MX1: variants seen among roughly 807,000 people sequenced by gnomAD.
MX1 encodes MX dynamin like GTPase 1.
Under a neutral mutation model 66.4 loss-of-function variants are expected in MX1, and 66 were observed. The observed-to-expected ratio is 0.99, with a 90% confidence interval of 0.82 to 1.22. MX1 has a LOEUF of 1.22. Ranked by LOEUF, MX1 falls within the 50% of genes most tolerant of loss-of-function variation. MX1 has a pLI of 0.00. For synonymous variants in MX1, 311 were observed against 318.1 expected (o/e 0.98, Z 0.24); for missense variants, 787 against 834.3 (o/e 0.94, Z 0.70).
exon 1 of MX1, chr21:41,420,690 C>G (rs2089983575): frequency 6.6e-6 from 1 of 152,358 alleles, no homozygotes; most frequent in Non-Finnish European, 1.5e-5. Context: ...TCCGATTCCC[C>G]ATTCATTCCA....
Position 41,435,821 on chromosome 21 carries a change from T to G in MX1, c.106-16T>G. On this transcript the variant is annotated splice_polypyrimidine_tract_variant and intron_variant, in intron 5 of 16. Transcript: ENST00000398598. Reference sequence around the variant, plus strand: ...TTTGCAGGCCATGAAGAATTCTCCATTTTTGTTTCCTCCAGGTGGCTGAGA... The same window carrying G: ...TTTGCAGGCCATGAAGAATTCTCCAGTTTTGTTTCCTCCAGGTGGCTGAGA... 6.3e-7 allele frequency: 1 copy of G among 1,595,062 alleles called. No individual in the cohort carries two copies. The highest frequency in any genetic ancestry group is 1.7e-5 in the Admixed American group (1 of 58,940).
At chr21:41,456,814 T>C (rs1012672747) in intron 16 of MX1, among the ~76,000 whole-genome samples, 2 of 151,982 alleles carry the variant, frequency 1.3e-5, no homozygotes, top group Non-Finnish European at 2.9e-5. Context: ...CAGGCTGGAG[T>C]GCAGTGGCGC....
chr21:41,458,974 A>G lies in MX1; in HGVS notation c.*216A>G, dbSNP rs60687893. ...CCTCAGATGCACATGAGCTGGCGGG[A>G]TTGAAGGATGCTGTCTTCGTACTGG... On this transcript the variant is annotated 3_prime_UTR_variant, in exon 17 of 17. Coordinates refer to ENST00000398598, the MANE Select transcript of MX1 (RefSeq NM_002462.5). 0.17 allele frequency: 133,332 copies of G among 790,362 alleles called. 12,600 individuals are homozygous for G. The highest frequency in any genetic ancestry group is 0.27 in the East Asian group (9,778 of 36,418). The allele number at this position is 790,362 out of a possible 1,614,324, so 49.0% of individuals were successfully genotyped here.
At chr21:41,439,898 A>AGGGGGGG in intron 8 of MX1, 50 bp downstream of exon 8, 6 of 680,416 alleles carry the variant, frequency 8.8e-6, no homozygotes, top group South Asian at 1.7e-5. Context: ...GGGATGGGGG[A>AGGGGGGG]GTGGAGGGGT....
rs771899975 is a variant in MX1 at position 41,458,629 on chromosome 21, G to A, written c.1860G>A (p.Leu620=). 4.3e-6 allele frequency: 7 copies of A among 1,614,134 alleles called. No individual in the cohort carries two copies. Among genetic ancestry groups the A allele is most frequent in the Admixed American group, 3.3e-5 (2 of 60,014 alleles). ...TTCAGAAGGCCATGCTGCAGCTCCT[G>A]CAGGACAAGGACACCTACAGCTGGC... is the stretch of plus-strand genomic sequence containing the variant. The part of the protein sequence containing the change: ...QQLQKAMLQL[L]QDKDTYSWLL... Residue 620 remains leucine, a synonymous_variant, in exon 17 of 17, where the codon CTG becomes CTA. Coordinates refer to ENST00000398598, the MANE Select transcript of MX1 (RefSeq NM_002462.5).
chr21:41,445,627 A>T, intron 12 of MX1, 57 bp downstream of exon 12: 2 of 1,607,258 alleles, frequency 1.2e-6, no homozygotes, highest in Non-Finnish European at 1.7e-6. Flanking sequence ...CAAAAAAGGG[A>T]CCCTGGGCCT....
intron 8 of MX1, 149 bp downstream of exon 8, chr21:41,439,997 T>C: frequency 1.2e-6 from 1 of 810,754 alleles, no homozygotes; most frequent in Admixed American, 3.0e-5. Flanking sequence ...GTGGGGAATT[T>C]AGAGAGCCCG....
chr21:41,443,629 A>C (rs1032709048), intron 10 of MX1, 159 bp from the exon 11 acceptor site: 1 of 687,400 alleles, frequency 1.5e-6, no homozygotes, highest in South Asian at 1.7e-5. Flanking sequence ...TCATAATCCT[A>C]TTCAATCCAG....
chr21:41,449,424 T>A (rs2090763221), intron 14 of MX1, 129 bp downstream of exon 14: 1 of 860,316 alleles, frequency 1.2e-6, no homozygotes, highest in Non-Finnish European at 1.8e-6. Context: ...CCTCTCATTC[T>A]CCAGATGCCA....
chr21:41,443,467 G>A, intron 10 of MX1: 1 of 294,768 alleles, frequency 3.4e-6, no homozygotes. Context: ...CACATAGAAG[G>A]GGGTATGTGT....
intron 4 of MX1, 36 bp from the exon 5 acceptor site, chr21:41,432,014 G>C (rs893507817): frequency 1.3e-5 from 21 of 1,573,604 alleles, no homozygotes; most frequent in Admixed American, 1.7e-5. Context: ...GCACCCAGCT[G>C]CTTATCTGTT....
At chr21:41,432,991 T>A (rs2090264127) in intron 5 of MX1, among the ~76,000 whole-genome samples, 1 of 152,256 alleles carries the variant, frequency 6.6e-6, no homozygotes, top group Non-Finnish European at 1.5e-5. Context: ...CTTGTCTGGC[T>A]GTAAGAGATG....
chr21:41,458,460 T>TGGTGA, intron 16 of MX1, 68 bp from the exon 17 acceptor site: 1 of 1,161,468 alleles, frequency 8.6e-7, no homozygotes. Context: ...CATGTGCACA[T>TGGTGA]GGTGAGGTCA....
chr21:41,449,037 C>G (rs2090751011), intron 13 of MX1, 100 bp from the exon 14 acceptor site: 1 of 1,028,820 alleles, frequency 9.7e-7, no homozygotes, highest in Non-Finnish European at 1.3e-6. Context: ...CTTTTTCTTG[C>G]CATTTATATT....
chr21:41,434,647 C>T (rs1165132457), intron 5 of MX1, among the ~76,000 whole-genome samples: 1 of 152,142 alleles, frequency 6.6e-6, no homozygotes, highest in Non-Finnish European at 1.5e-5. Flanking sequence ...AGTCAACCTT[C>T]AAGTGATAGT....
intron 2 of MX1, among the ~76,000 whole-genome samples, 178 bp from the exon 3 acceptor site, chr21:41,427,577 T>A (rs926821771): frequency 1.3e-5 from 2 of 152,190 alleles, no homozygotes; most frequent in African/African-American, 4.8e-5. Context: ...GCCTCTTCCA[T>A]CTTAGGCATT....
chr21:41,442,265 C>T (rs1228379896), intron 10 of MX1, among the ~76,000 whole-genome samples: 1 of 151,982 alleles, frequency 6.6e-6, no homozygotes, highest in African/African-American at 2.4e-5. Context: ...AGAAATAGAC[C>T]TAGATATATA....
At chr21:41,427,033 C>CA (rs2090082697) in intron 1 of MX1, 173 bp from the exon 2 acceptor site, 1 of 152,194 alleles carries the variant, frequency 6.6e-6, no homozygotes, top group South Asian at 2.1e-4. Flanking sequence ...ATCCCACCAA[C>CA]ACTCACAGCA....
chr21:41,452,625 A>G lies in MX1; in HGVS notation c.1514A>G (p.Lys505Arg). The G allele has an allele frequency of 6.3e-7, 1 of 1,595,466 alleles. No homozygotes were observed. The highest frequency in any genetic ancestry group is 8.5e-7 in the Non-Finnish European group (1 of 1,172,470). The change falls in exon 16 of 17, where the codon AAA becomes AGA. Residue 505 changes from lysine to arginine, a missense_variant. Coordinates refer to ENST00000398598, the MANE Select transcript of MX1 (RefSeq NM_002462.5). The part of the protein sequence containing the change: ...FFNLHRTAKS[K>R]IEDIRAEQER... Reference sequence around the variant, plus strand: ...TTTATTTATTTTTTACTGTAGTCCAAAATTGAAGACATTAGAGCAGAACAA... The same window carrying G: ...TTTATTTATTTTTTACTGTAGTCCAGAATTGAAGACATTAGAGCAGAACAA...
Sources: allele counts gnomAD v4.1 joint callset (sites outside exome capture counted in the v4.1 genomes callset), GRCh38; gene constraint gnomAD v4.1.1; transcripts MANE v1.5; gene names NCBI Gene and HGNC (gene_info 2026-07-23, HGNC 2026-07-21).